The following PRKN variants were observed in gnomAD, a reference collection of about 807,000 sequenced individuals.
PRKN encodes the protein E3 ubiquitin-protein ligase parkin.
In PRKN, 56 loss-of-function variants were observed where a neutral mutation model predicts 59.5. That is an observed-to-expected ratio of 0.94 (90% confidence interval 0.76 to 1.18). The LOEUF (loss-of-function observed/expected upper bound fraction) is 1.18. Ranked by LOEUF, PRKN falls within the 50% of genes most tolerant of loss-of-function variation. The probability of loss-of-function intolerance (pLI) is 0.00; values close to 1 mark genes in which losing one functional copy is unlikely to be tolerated. For missense variants in PRKN, 657 were observed against 596.4 expected (o/e 1.10, Z -1.06); for synonymous variants, 250 against 222.1 (o/e 1.13, Z -1.12).
intron 9 of PRKN, among the ~76,000 whole-genome samples, chr6:161,411,769 C>G (rs1456600454): frequency 6.9e-6 from 1 of 144,072 alleles, no homozygotes; most frequent in Non-Finnish European, 1.6e-5. Context: ...CATTCCTTCA[C>G]TCACTCATTC....
intron 2 of PRKN, among the ~76,000 whole-genome samples, chr6:162,414,726 A>AAAAAAAAAAAAAAATT: frequency 1.1e-5 from 1 of 91,870 alleles, no homozygotes; most frequent in African/African-American, 4.5e-5. Flanking sequence ...AAAAAAAAAA[A>AAAAAAAAAAAAAAATT]AGTGAATCTT....
At chr6:162,300,420 T>C (rs75544575) in intron 2 of PRKN, among the ~76,000 whole-genome samples, 19,200 of 152,168 alleles carry the variant, frequency 0.13, 1,859 homozygotes, top group African/African-American at 0.26. Flanking sequence ...CATTTAGGTT[T>C]CTAAAAGAGA....
intron 1 of PRKN, among the ~76,000 whole-genome samples, chr6:162,508,808 C>T (rs1793715791): frequency 1.3e-5 from 2 of 152,094 alleles, no homozygotes; most frequent in Admixed American, 1.3e-4. Flanking sequence ...GCCGTGATTG[C>T]ACCACTTCAC....
chr6:161,350,519 A>C (rs1311190697), intron 11 of PRKN, among the ~76,000 whole-genome samples: 2 of 148,032 alleles, frequency 1.4e-5, no homozygotes, highest in East Asian at 3.9e-4. Context: ...TTCATGTTTC[A>C]TAGATAGGGG....
At chr6:161,623,610 T>C (rs1046446165) in intron 7 of PRKN, among the ~76,000 whole-genome samples, 1 of 152,226 alleles carries the variant, frequency 6.6e-6, no homozygotes, top group African/African-American at 2.4e-5. Flanking sequence ...TTGAATAAAA[T>C]ATTAGATTAT....
Position 162,292,701 on chromosome 6 carries a change from G to T in PRKN, c.172-29936C>A, listed in dbSNP as rs150322644. Among the ~76,000 whole-genome samples, 27 of 152,260 alleles carry T rather than the reference G, an allele frequency of 1.8e-4. No homozygotes were observed. In the East Asian group the frequency reaches 5.2e-3, roughly 29 times the overall value. The stretch of plus-strand genomic sequence containing the variant: ...GATGGGGTCTGGATGAGAGCAGCTG[G>T]GTGAGAAGCAGCACCACTGCCTTCC... On this transcript the variant is annotated intron_variant, in intron 2 of 11. Coordinates refer to ENST00000366898, the MANE Select transcript of PRKN (RefSeq NM_004562.3).
intron 7 of PRKN, among the ~76,000 whole-genome samples, chr6:161,663,845 T>A (rs1582968575): frequency 6.6e-6 from 1 of 152,192 alleles, no homozygotes; most frequent in Non-Finnish European, 1.5e-5. Flanking sequence ...GGGTGGCTGG[T>A]GGACCACGAG....
At chr6:162,192,904 T>A (rs750186712) in intron 4 of PRKN, among the ~76,000 whole-genome samples, 3 of 152,128 alleles carry the variant, frequency 2.0e-5, no homozygotes, top group Admixed American at 6.6e-5. Flanking sequence ...TATGTTCCCA[T>A]CTCTCCAGGG....
intron 1 of PRKN, among the ~76,000 whole-genome samples, chr6:162,453,742 A>C (rs9295191): frequency 0.087 from 13,188 of 152,076 alleles, 1,925 homozygotes; most frequent in African/African-American, 0.3. Flanking sequence ...ATCTCTACTA[A>C]AAATATCAAA....
In PRKN at chr6:161,417,706, T is replaced by C. The variant is rs1174177101; in HGVS notation, c.1084-30829A>G. Among the ~76,000 whole-genome samples, 5 of 152,142 alleles carry C rather than the reference T, an allele frequency of 3.3e-5. No homozygotes were observed. Among genetic ancestry groups the C allele is most frequent in the East Asian group, 1.9e-4 (1 of 5,194 alleles). The stretch of plus-strand genomic sequence containing the variant: ...CAGGTTAAATAACTTTCACAACACA[T>C]TGGAAATTTAGGCTGCCAATTAGTC... On this transcript the variant is annotated intron_variant, in intron 9 of 11. Transcript: ENST00000366898. This position sits in a 1 kb window ranked among gnomAD's most constrained non-coding sequence, Gnocchi z 5.4.
intron 4 of PRKN, among the ~76,000 whole-genome samples, chr6:162,059,669 C>T (rs774583696): frequency 2.6e-5 from 4 of 151,654 alleles, no homozygotes; most frequent in South Asian, 2.1e-4. Context: ...TCAAATCTAC[C>T]GAATTAGAGA....
intron 2 of PRKN, among the ~76,000 whole-genome samples, chr6:162,342,777 T>C (rs961585475): frequency 6.6e-6 from 1 of 152,164 alleles, no homozygotes; most frequent in African/African-American, 2.4e-5. Flanking sequence ...AGCCCAATCA[T>C]GGTGATGATT....
chr6:161,627,605 C>A (rs1213799114), intron 7 of PRKN, among the ~76,000 whole-genome samples: 1 of 152,214 alleles, frequency 6.6e-6, no homozygotes, highest in African/African-American at 2.4e-5. Context: ...ATGGGTGGAA[C>A]CCACACCAAA....
In PRKN at chr6:162,539,109, A is replaced by G. The variant is rs926065152; in HGVS notation, c.8-95636T>C. Among the ~76,000 whole-genome samples, 10 of 152,332 alleles carry G rather than the reference A, an allele frequency of 6.6e-5. No homozygotes were observed. In the East Asian group the frequency reaches 9.6e-4, roughly 15 times the overall value. On this transcript the variant is annotated intron_variant, in intron 1 of 11. Transcript: ENST00000366898. The stretch of plus-strand genomic sequence containing the variant: ...AGAAACCAGGGGACATATTAACACA[A>G]TGAACAATACCTTAAGACTGTGGCT...
chr6:161,689,745 T>G (rs1280720767), intron 7 of PRKN, among the ~76,000 whole-genome samples: 2 of 152,084 alleles, frequency 1.3e-5, no homozygotes, highest in Non-Finnish European at 2.9e-5. Flanking sequence ...AGTTTTGCTG[T>G]TTTTGCCCAG....
intron 7 of PRKN, among the ~76,000 whole-genome samples, chr6:161,572,362 A>G (rs1014866539): frequency 3.9e-5 from 6 of 152,226 alleles, no homozygotes; most frequent in African/African-American, 1.4e-4. Flanking sequence ...TGCCACCAAG[A>G]AAATAAATAA....
In PRKN at chr6:161,525,130, GGTGT is replaced by G. The variant is rs61133511; in HGVS notation, c.1083+23720_1083+23723del. ...TGACACATTCATTCATTTTCTAAAA[GGTGT>G]GTGTGTGTGTGTGTGTGTATGTGTG... On this transcript the variant is annotated intron_variant, in intron 9 of 11. Transcript: ENST00000366898. This position sits in a 1 kb window ranked among gnomAD's most constrained non-coding sequence, Gnocchi z 4.7. Among the ~76,000 whole-genome samples the G allele has an allele frequency of 8.0e-5, 12 of 149,416 alleles. No individual in the cohort carries two copies. Among genetic ancestry groups the G allele is most frequent in the African/African-American group, 2.7e-4 (11 of 40,762 alleles).
chr6:162,525,105 G>C (rs1778227349), intron 1 of PRKN, among the ~76,000 whole-genome samples: 1 of 152,070 alleles, frequency 6.6e-6, no homozygotes, highest in African/African-American at 2.4e-5. Flanking sequence ...ACCTGAGTGG[G>C]AGGCCCCAGC....
chr6:161,417,339 A>G lies in PRKN; in HGVS notation c.1084-30462T>C, dbSNP rs1787897931. 6.6e-6 allele frequency among the ~76,000 whole-genome samples: 1 copy of G among 151,780 alleles called. No homozygotes were observed. The highest frequency in any genetic ancestry group is 1.5e-5 in the Non-Finnish European group (1 of 68,008). On this transcript the variant is annotated intron_variant, in intron 9 of 11. Coordinates refer to ENST00000366898, the MANE Select transcript of PRKN (RefSeq NM_004562.3). This position sits in a 1 kb window ranked among gnomAD's most constrained non-coding sequence, Gnocchi z 5.4. The stretch of plus-strand genomic sequence containing the variant: ...GTGGCGCCTGCCTGTAGTCGCAGCT[A>G]CTCGGGAGGCTAAGGCAGCAGAATC...
Sources: gnomAD v4.1 joint callset for allele counts (sites outside exome capture counted in the v4.1 genomes callset) on GRCh38, gnomAD v4.1.1 for gene constraint, Gnocchi (gnomAD v3.1) non-coding constraint, MANE v1.5 for transcripts, NCBI Gene and HGNC (gene_info 2026-07-23, HGNC 2026-07-21) for gene names.